Variants in INTS14 observed in about 807,000 individuals in gnomAD.
INTS14 encodes the protein integrator complex subunit 14.
A neutral mutation model predicts 56.9 loss-of-function variants in INTS14; 27 were observed. The ratio of observed to expected loss-of-function variants is 0.47; its 90% confidence interval spans 0.35 to 0.65. The LOEUF is 0.65. Ranked by LOEUF, INTS14 falls within the 30% of genes least tolerant of loss-of-function variation. The pLI, the probability that INTS14 is intolerant of heterozygous loss-of-function variation, is 0.00. For missense variants in INTS14, 517 were observed against 632.2 expected (o/e 0.82, Z 1.95); for synonymous variants, 207 against 236.2 (o/e 0.88, Z 1.13).
intron 1 of INTS14, chr15:65,610,644 C>A: frequency 6.6e-7 from 1 of 1,525,444 alleles, no homozygotes; most frequent in South Asian, 1.2e-5. Flanking sequence ...TCAGCAGTCT[C>A]GCTCTCAAAG....
chr15:65,610,982 C>A, intron 1 of INTS14, 116 bp downstream of exon 1: 2 of 1,492,982 alleles, frequency 1.3e-6, no homozygotes, highest in Non-Finnish European at 1.8e-6. Flanking sequence ...GGGCGGCCGC[C>A]ACGGTGGCGG....
At position 65,595,714 on chromosome 15, in the gene INTS14, C is replaced by T; in HGVS notation, c.841+19G>A. The T allele has an allele frequency of 7.7e-6, 12 of 1,566,250 alleles. No individual in the cohort carries two copies. The highest frequency in any genetic ancestry group is 1.0e-5 in the Non-Finnish European group (12 of 1,147,124). ...AGTTAATAAGACGCTTCAGACGTATCAGTGGAATAGGAACTCACCTTTGTT... is the reference window on the plus strand; with the variant it reads ...AGTTAATAAGACGCTTCAGACGTATTAGTGGAATAGGAACTCACCTTTGTT... On this transcript the variant is annotated intron_variant, in intron 7 of 11. Coordinates refer to ENST00000313182, the MANE Select transcript of INTS14 (RefSeq NM_001394796.1).
At chr15:65,596,370 A>C (rs2073211695) in intron 6 of INTS14, among the ~76,000 whole-genome samples, 1 of 152,232 alleles carries the variant, frequency 6.6e-6, no homozygotes, top group African/African-American at 2.4e-5. Context: ...TGTAACCAAA[A>C]GAACTTAAAC....
At position 65,585,016 on chromosome 15, in the gene INTS14, C is replaced by T. The variant is rs2072765514; in HGVS notation, c.1121-128G>A. ...TATCACTTTGTTAATTAAGAAAATC[C>T]ATTAACTTCAGTCAGGTTGGAGAAC... On this transcript the variant is annotated intron_variant, in intron 9 of 11. Transcript: ENST00000313182. The T allele has an allele frequency of 3.9e-6, 3 of 775,914 alleles. No homozygotes were observed. The South Asian group carries it at 7.2e-5, about 19-fold the overall frequency. The allele number at this position is 775,914 out of a possible 1,614,324, so 48.1% of individuals were successfully genotyped here.
intron 6 of INTS14, 28 bp from the exon 7 acceptor site, chr15:65,595,853 AATTC>A (rs1436230080): frequency 6.6e-7 from 1 of 1,510,900 alleles, no homozygotes; most frequent in Non-Finnish European, 9.1e-7. Context: ...ACACAGAATT[AATTC>A]ATTCTATGGA....
At chr15:65,579,758 T>C (rs566841298) in intron 11 of INTS14, 99 bp from the exon 12 acceptor site, 30 of 1,459,252 alleles carry the variant, frequency 2.1e-5, no homozygotes, top group Admixed American at 2.5e-5. Context: ...GACTGAACTT[T>C]AGGGAGCAAT....
intron 1 of INTS14, among the ~76,000 whole-genome samples, chr15:65,609,020 C>T (rs1412476204): frequency 6.6e-6 from 1 of 152,242 alleles, no homozygotes; most frequent in Non-Finnish European, 1.5e-5. Flanking sequence ...GCCTCAGCCT[C>T]CCGAGTAGCC....
chr15:65,593,667 T>C lies in INTS14; in HGVS notation c.842-95A>G, dbSNP rs548204354. On this transcript the variant is annotated intron_variant, in intron 7 of 11. Coordinates refer to ENST00000313182, the MANE Select transcript of INTS14 (RefSeq NM_001394796.1). ...TTGGATGTTTCTAGCCTTTAAGGGA[T>C]AGTGTAGAGTTCTAAGGGAATATTA... 4 of 1,408,558 alleles carry C rather than the reference T, an allele frequency of 2.8e-6. No individual in the cohort carries two copies. The South Asian group carries it at 6.1e-5, about 21-fold the overall frequency. 87.3% of individuals were successfully genotyped at this position (1,408,558 alleles called of 1,614,324 possible).
chr15:65,594,593 G>A (rs2073148009), intron 7 of INTS14, among the ~76,000 whole-genome samples: 1 of 143,480 alleles, frequency 7.0e-6, no homozygotes. Context: ...TAGTGGAGAT[G>A]GGGTTTTACC....
In INTS14 at chr15:65,598,977, T is replaced by A. The variant is rs1280056936; in HGVS notation, c.500A>T (p.Asp167Val). 2 of 1,613,500 alleles carry A rather than the reference T, an allele frequency of 1.2e-6. No homozygotes were observed. The highest frequency in any genetic ancestry group is 2.7e-5 in the African/African-American group (2 of 74,904). The change falls in exon 5 of 12, where the codon GAT becomes GTT. Residue 167 changes from aspartate to valine, a missense_variant. Coordinates refer to ENST00000313182, the MANE Select transcript of INTS14 (RefSeq NM_001394796.1). ...MANLEELQSTDSLECLERLID... is the reference protein window; with the variant it reads ...MANLEELQSTVSLECLERLID... The stretch of plus-strand genomic sequence containing the variant: ...GAGACGTTCAAGGCATTCCAAGGAA[T>A]CGGTGCTCTGGAGCTATAAAGCAAA...
chr15:65,607,878 T>C (rs2073713216), intron 1 of INTS14, among the ~76,000 whole-genome samples: 1 of 152,256 alleles, frequency 6.6e-6, no homozygotes, highest in African/African-American at 2.4e-5. Flanking sequence ...TGCATGTGTT[T>C]AATTATTTTG....
rs914802478 is a variant in INTS14, at chr15:65,593,508, A to T, written c.906T>A (p.Ile302=). ...CACAAAAGTTGGGTATTTTGCCTGC[A>T]ATCTGATTGGCTGAATTTTCATCTT... is the stretch of plus-strand genomic sequence containing the variant. ...DNEDENSANQ[I]AGKIPNFCVL... Residue 302 remains isoleucine, a synonymous_variant, in exon 8 of 12, where the codon ATT becomes ATA. Transcript: ENST00000313182. 1.2e-6 allele frequency: 2 copies of T among 1,613,842 alleles called. No homozygotes were observed. The highest frequency in any genetic ancestry group is 1.7e-6 in the Non-Finnish European group (2 of 1,179,952).
In INTS14 at chr15:65,584,776, G is replaced by C. The variant is rs779526425; in HGVS notation, c.1233C>G (p.Gly411=). The C allele has an allele frequency of 1.2e-6, 2 of 1,611,120 alleles. No homozygotes were observed. Among genetic ancestry groups the C allele is most frequent in the East Asian group, 4.5e-5 (2 of 44,690 alleles). Residue 411 remains glycine, a synonymous_variant, in exon 10 of 12, where the codon GGC becomes GGG. Coordinates refer to ENST00000313182, the MANE Select transcript of INTS14 (RefSeq NM_001394796.1). ...ACATAAATGGTAATGTTACCTGCAG[G>C]CCGCTGGGTTTGATCCAGACAGTCA... The part of the protein sequence containing the change: ...QNVTVWIKPS[G]LQTDVQKILR...
chr15:65,585,943 T>C (rs146286568), intron 9 of INTS14, among the ~76,000 whole-genome samples: 136 of 152,338 alleles, frequency 8.9e-4, no homozygotes, highest in African/African-American at 3.2e-3. Flanking sequence ...TTTCCATTAA[T>C]ATTTGTCAAT....
At chr15:65,610,810 A>G in intron 1 of INTS14, 1 of 1,535,342 alleles carries the variant, frequency 6.5e-7, no homozygotes, top group Non-Finnish European at 8.7e-7. Context: ...AAAATCAGTC[A>G]AGAAAATGTG....
intron 4 of INTS14, chr15:65,599,228 C>T: frequency 2.6e-6 from 1 of 385,008 alleles, no homozygotes; most frequent in Non-Finnish European, 4.7e-6. Context: ...TGCAAAGATT[C>T]TCAGAGGTGA....
At chr15:65,595,237 C>T (rs2073171495) in intron 7 of INTS14, among the ~76,000 whole-genome samples, 1 of 152,130 alleles carries the variant, frequency 6.6e-6, no homozygotes, top group Non-Finnish European at 1.5e-5. Flanking sequence ...TTTATAGTTC[C>T]TAGAGATATA....
chr15:65,587,504 GT>G (rs2072869521), intron 9 of INTS14, among the ~76,000 whole-genome samples: 1 of 152,180 alleles, frequency 6.6e-6, no homozygotes, highest in Non-Finnish European at 1.5e-5. Flanking sequence ...GTATAGCTTA[GT>G]TGTAAATAAC....
rs1472895909 is a variant in INTS14, at chr15:65,598,907, GC to G, written c.569del (p.Gly190AlafsTer5). On this transcript the variant is annotated frameshift_variant, in exon 5 of 12. Transcript: ENST00000313182. LOFTEE classifies it high-confidence loss of function. ...NGEGQIFTIDGPLCLKNVQSM... is the reference protein window; with the variant it reads ...NGEGQIFTIDXPLCLKNVQSM... ...ACTGTACATTCTTCAAGCACAGGGG[GC>G]CATCAATAGTAAAAATCTGCCCTTC... 1.9e-6 allele frequency: 3 copies of G among 1,613,858 alleles called. No individual in the cohort carries two copies.
Sources: allele counts gnomAD v4.1 joint callset (sites outside exome capture counted in the v4.1 genomes callset), GRCh38; gene constraint gnomAD v4.1.1; transcripts MANE v1.5; gene names NCBI Gene and HGNC (gene_info 2026-07-23, HGNC 2026-07-21).